DCAF10: variants seen among roughly 807,000 people sequenced by gnomAD.
DCAF10 encodes the protein DDB1- and CUL4-associated factor 10.
Under a neutral mutation model 51.9 loss-of-function variants are expected in DCAF10, and 19 were observed. The ratio of observed to expected loss-of-function variants is 0.37; its 90% CI spans 0.26 to 0.54. DCAF10 has a LOEUF of 0.54. Among genes scored for constraint, DCAF10 ranks in the 20% least tolerant of loss-of-function variants. The pLI, the probability that DCAF10 is intolerant of heterozygous loss-of-function variation, is 0.87. For synonymous variants in DCAF10, 291 were observed against 297.1 expected (o/e 0.98, Z 0.21); for missense variants, 510 against 730.6 (o/e 0.70, Z 3.48).
chr9:37,800,997 C>A lies in DCAF10; in HGVS notation c.131C>A (p.Ala44Glu), dbSNP rs1376896334. The A allele has an allele frequency of 3.9e-6, 6 of 1,531,584 alleles. No individual in the cohort carries two copies. The highest frequency in any genetic ancestry group is 5.2e-6 in the Non-Finnish European group (6 of 1,149,244). 94.9% of individuals were successfully genotyped at this position (1,531,584 alleles called of 1,614,324 possible). A position where few individuals can be genotyped will look rare whatever the true frequency, so the allele number is the denominator to read the frequency against. ...PPSPLHPGAD[A>E]THPPPPARSP... is the part of the protein sequence containing the mutation. ...TCGCCACTACATCCCGGGGCTGATG[C>A]GACCCATCCCCCTCCACCCGCCCGA... The change falls in exon 1 of 7, where the codon GCG (alanine) becomes GAG (glutamate). Residue 44 changes from alanine to glutamate, a missense_variant. By Grantham distance (107) the Ala-to-Glu change is moderately radical. Around this residue, in one of 4 missense-constraint regions of DCAF10, gnomAD observed 251 missense variants for 227.9 expected, o/e 1.10. Coordinates refer to ENST00000377724, the MANE Select transcript of DCAF10 (RefSeq NM_024345.5).
At chr9:37,840,003 T>C (rs920959766) in intron 2 of DCAF10, among the ~76,000 whole-genome samples, 21 of 152,174 alleles carry the variant, frequency 1.4e-4, no homozygotes, top group African/African-American at 5.1e-4. Context: ...TACAGTATAA[T>C]ATTAAGTATT....
At chr9:37,830,743 T>C (rs1382340445) in intron 2 of DCAF10, among the ~76,000 whole-genome samples, 1 of 152,238 alleles carries the variant, frequency 6.6e-6, no homozygotes, top group Non-Finnish European at 1.5e-5. Flanking sequence ...TGCCAAGTTG[T>C]TTGCCTTTAC....
At chr9:37,832,369 A>T (rs557460939) in intron 2 of DCAF10, among the ~76,000 whole-genome samples, 212 of 152,162 alleles carry the variant, frequency 1.4e-3, no homozygotes, top group Middle Eastern at 3.4e-3. Flanking sequence ...GAGGCAGGAG[A>T]ATCGCTTGAA....
At position 37,801,314 on chromosome 9, in the gene DCAF10, A is replaced by G. The variant is rs780969667; in HGVS notation, c.448A>G (p.Ser150Gly). The change falls in exon 1 of 7, where the codon AGC becomes GGC. Residue 150 changes from serine (S) to glycine (G), a missense_variant. Physicochemically the swap from Ser to Gly is moderately conservative, Grantham distance 56. Around this residue, in one of 4 missense-constraint regions of DCAF10, gnomAD observed 251 missense variants for 227.9 expected, o/e 1.10. Transcript: ENST00000377724. The surrounding 1 kb of genome is among the most constrained non-coding windows in gnomAD (Gnocchi z 5.5). The stretch of plus-strand genomic sequence containing the variant: ...GCGGGACAATTTTCGCACCATGACT[A>G]GCCTCTACGGTTCCATCCACCCCGC... ...PARDNFRTMT[S>G]LYGSIHPADS... The G allele has an allele frequency of 1.3e-6, 2 of 1,596,392 alleles. No homozygotes were observed. The highest frequency in any genetic ancestry group is 1.1e-5 in the South Asian group (1 of 88,484).
chr9:37,857,475 T>C, intron 5 of DCAF10, 124 bp downstream of exon 5: 1 of 624,152 alleles, frequency 1.6e-6, no homozygotes. Flanking sequence ...GGAGATGAGG[T>C]GATTTATCCC....
At chr9:37,800,718 C>G, upstream of DCAF10, 1 of 1,535,350 alleles carries the variant, frequency 6.5e-7, no homozygotes, top group Non-Finnish European at 8.7e-7. Context: ...TCAGCTTTCC[C>G]GGTCCCCGGC....
chr9:37,831,123 A>G (rs1829993965), intron 2 of DCAF10, among the ~76,000 whole-genome samples: 1 of 152,162 alleles, frequency 6.6e-6, no homozygotes. Context: ...CTCGGGAGGC[A>G]GGAGACTCGC....
At chr9:37,858,927 C>T (rs1307258015) in intron 5 of DCAF10, among the ~76,000 whole-genome samples, 1 of 152,226 alleles carries the variant, frequency 6.6e-6, no homozygotes, top group Non-Finnish European at 1.5e-5. Context: ...CCTCAGCCCA[C>T]ACGTGGTTCC....
At chr9:37,810,650 C>T (rs951699486) in intron 1 of DCAF10, among the ~76,000 whole-genome samples, 6 of 152,034 alleles carry the variant, frequency 3.9e-5, no homozygotes, top group African/African-American at 1.2e-4. Flanking sequence ...TTAGTAGAAA[C>T]GGGCTTTCTC....
rs199538284 is a variant in DCAF10 at position 37,861,274 on chromosome 9, C to T, written c.1446C>T (p.Pro482=). 3.0e-5 allele frequency: 48 copies of T among 1,614,144 alleles called. No individual in the cohort carries two copies. In the East Asian group the frequency reaches 4.7e-4, roughly 16 times the overall value. ...ACATCAAAGAACTTTGCTTCAGCCCCGATGGACGAATGATTTCTTCCCCAC... is the reference window on the plus strand; with the variant it reads ...ACATCAAAGAACTTTGCTTCAGCCCTGATGGACGAATGATTTCTTCCCCAC... ...RGYIKELCFS[P]DGRMISSPHG... is the part of the protein sequence containing the mutation. The change falls in exon 7 of 7, where the codon CCC becomes CCT. Residue 482 remains proline, a synonymous_variant. Transcript: ENST00000377724. The surrounding 1 kb of genome is among the most constrained non-coding windows in gnomAD (Gnocchi z 4.9).
At chr9:37,851,277 G>A (rs1328530907) in intron 3 of DCAF10, among the ~76,000 whole-genome samples, 1 of 151,908 alleles carries the variant, frequency 6.6e-6, no homozygotes, top group East Asian at 2.0e-4. Flanking sequence ...TGTCCTCCTG[G>A]GCTCAAGCCA....
At chr9:37,814,843 G>A (rs1829478122) in intron 1 of DCAF10, among the ~76,000 whole-genome samples, 1 of 152,086 alleles carries the variant, frequency 6.6e-6, no homozygotes, top group African/African-American at 2.4e-5. Flanking sequence ...AATAACAAGA[G>A]CCAGTCTTAA....
At chr9:37,852,902 TATC>T (rs1374263096) in intron 3 of DCAF10, among the ~76,000 whole-genome samples, 7 of 147,144 alleles carry the variant, frequency 4.8e-5, no homozygotes, top group African/African-American at 1.5e-4. Flanking sequence ...TTTTAAGTGT[TATC>T]ATCATAAATG....
In DCAF10 at chr9:37,819,385, T is replaced by G. The variant is rs752272671; in HGVS notation, c.637T>G (p.Cys213Gly). 1 of 1,612,758 alleles carries G rather than the reference T, an allele frequency of 6.2e-7. No individual in the cohort carries two copies. Among genetic ancestry groups the G allele is most frequent in the Non-Finnish European group, 8.5e-7 (1 of 1,179,108 alleles). ...AACACTTTCTGAAGCTCATGAAGAC[T>G]GTGTAAATAATATCAGGTTAGTATT... ...IKTLSEAHED[C>G]VNNIRFLDNR... Residue 213 changes from cysteine (C) to glycine (G), a missense_variant, in exon 2 of 7, where the codon TGT (cysteine) becomes GGT (glycine). By Grantham distance (159) the Cys-to-Gly change is radical (BLOSUM62 -3). Coordinates refer to ENST00000377724, the MANE Select transcript of DCAF10 (RefSeq NM_024345.5).
intron 2 of DCAF10, among the ~76,000 whole-genome samples, chr9:37,835,555 G>A (rs532191226): frequency 6.6e-6 from 1 of 152,066 alleles, no homozygotes; most frequent in East Asian, 1.9e-4. Context: ...TCCAGCCTGG[G>A]AGACAGAGTG....
intron 2 of DCAF10, among the ~76,000 whole-genome samples, chr9:37,838,499 A>G (rs143613714): frequency 1.6e-4 from 24 of 152,358 alleles, no homozygotes; most frequent in African/African-American, 5.5e-4. Flanking sequence ...AGAAATACAT[A>G]GGGATGTGAT....
chr9:37,812,153 G>T (rs1829367201), intron 1 of DCAF10, among the ~76,000 whole-genome samples: 1 of 142,086 alleles, frequency 7.0e-6, no homozygotes. Context: ...GCATTCCAGC[G>T]CCACCACACT....
intron 2 of DCAF10, among the ~76,000 whole-genome samples, chr9:37,831,555 A>C (rs987706687): frequency 2.0e-5 from 3 of 152,188 alleles, no homozygotes; most frequent in Non-Finnish European, 4.4e-5. Flanking sequence ...GTTTGAATCT[A>C]GACGGTCATT....
At position 37,864,131 on chromosome 9, in the gene DCAF10, C is replaced by T. The variant is rs1464279114; in HGVS notation, c.*2623C>T. 4 of 151,982 alleles carry T rather than the reference C, an allele frequency of 2.6e-5. No homozygotes were observed. The highest frequency in any genetic ancestry group is 1.9e-4 in the East Asian group (1 of 5,176). 9.4% of individuals were successfully genotyped at this position (151,982 alleles called of 1,614,324 possible). On this transcript the variant is annotated 3_prime_UTR_variant, in exon 7 of 7. Transcript: ENST00000377724. ...CGAAACCCCATCTCTACCAAAAATA[C>T]AAAAATTAGATGGGCATGTTGGTAC...
Sources: allele counts gnomAD v4.1 joint callset (sites outside exome capture counted in the v4.1 genomes callset), GRCh38; gene constraint gnomAD v4.1.1; regional missense constraint gnomAD v4.1.1; non-coding constraint Gnocchi (gnomAD v3.1); transcripts MANE v1.5; gene names NCBI Gene and HGNC (gene_info 2026-07-23, HGNC 2026-07-21).